PDSS1: variants seen among roughly 807,000 people sequenced by gnomAD.
PDSS1 encodes the protein all trans-polyprenyl-diphosphate synthase PDSS1.
A neutral mutation model predicts 57.5 loss-of-function variants in PDSS1; 43 were observed. The ratio of observed to expected loss-of-function variants is 0.75; its 90% CI spans 0.59 to 0.96. PDSS1 has a LOEUF of 0.96. Among genes scored for constraint, PDSS1 ranks in the 50% least tolerant of loss-of-function variants. The probability of loss-of-function intolerance (pLI) is 0.00; values close to 1 mark genes in which losing one functional copy is unlikely to be tolerated. For synonymous variants in PDSS1, 175 were observed against 191.3 expected, an observed-to-expected ratio of 0.91 and a Z score of 0.70; for missense variants, 438 against 527.8, an observed-to-expected ratio of 0.83 and a Z score of 1.67.
At chr10:26,708,320 C>G (rs980496177) in intron 4 of PDSS1, among the ~76,000 whole-genome samples, 1 of 152,190 alleles carries the variant, frequency 6.6e-6, no homozygotes, top group Non-Finnish European at 1.5e-5. Context: ...GTGGCAGATA[C>G]AAGCGACACA....
At chr10:26,741,346 T>A (rs1199552222) in intron 10 of PDSS1, among the ~76,000 whole-genome samples, 9 of 152,108 alleles carry the variant, frequency 5.9e-5, no homozygotes, top group East Asian at 1.9e-4. Flanking sequence ...TAGCCGGGTG[T>A]GGTGGCGCAC....
At chr10:26,709,826 G>C (rs1414931556) in intron 5 of PDSS1, 58 bp downstream of exon 5, 2 of 1,551,052 alleles carry the variant, frequency 1.3e-6, no homozygotes, top group East Asian at 4.5e-5. Context: ...TTTCTTCCCG[G>C]GGTTACTTAC....
chr10:26,723,153 A>G (rs550041085), intron 6 of PDSS1, among the ~76,000 whole-genome samples: 1 of 152,252 alleles, frequency 6.6e-6, no homozygotes, highest in East Asian at 1.9e-4. Flanking sequence ...CGCAGCATGC[A>G]TGGGTGTTGT....
intron 6 of PDSS1, among the ~76,000 whole-genome samples, chr10:26,721,224 G>C (rs1835770167): frequency 6.6e-6 from 1 of 151,724 alleles, no homozygotes; most frequent in Non-Finnish European, 1.5e-5. Flanking sequence ...GCTTGAACCT[G>C]GGAGAGGGAG....
intron 8 of PDSS1, among the ~76,000 whole-genome samples, chr10:26,730,068 AC>A (rs1836121412): frequency 6.6e-6 from 1 of 151,394 alleles, no homozygotes. Context: ...GCCCGCTACC[AC>A]GCCCGGCTAA....
intron 1 of PDSS1, among the ~76,000 whole-genome samples, chr10:26,701,316 A>G (rs1014479492): frequency 6.6e-6 from 1 of 152,270 alleles, no homozygotes; most frequent in Non-Finnish European, 1.5e-5. Context: ...CCGAATGTTA[A>G]TAGCCAAGAG....
chr10:26,707,108 C>T (rs962861779), intron 4 of PDSS1, among the ~76,000 whole-genome samples: 2 of 152,086 alleles, frequency 1.3e-5, no homozygotes, highest in African/African-American at 4.8e-5. Flanking sequence ...GTGGGCTGCC[C>T]GCATGCGCAG....
intron 4 of PDSS1, among the ~76,000 whole-genome samples, chr10:26,709,000 G>T (rs1318532832): frequency 6.6e-6 from 1 of 152,032 alleles, no homozygotes; most frequent in Non-Finnish European, 1.5e-5. Context: ...CTGTCCGGCT[G>T]TCAATGAGCC....
chr10:26,736,590 T>C (rs1452986965), intron 10 of PDSS1, among the ~76,000 whole-genome samples: 1 of 152,172 alleles, frequency 6.6e-6, no homozygotes, highest in Non-Finnish European at 1.5e-5. Context: ...AAAGGTCATC[T>C]TTCACCCACT....
At chr10:26,729,904 C>CTTTTTTTT (rs71403886) in intron 8 of PDSS1, among the ~76,000 whole-genome samples, 1 of 75,348 alleles carries the variant, frequency 1.3e-5, no homozygotes, top group Non-Finnish European at 2.4e-5. Context: ...TAGTTGGTTC[C>CTTTTTTTT]TTTTTTTTTT....
At chr10:26,704,560 A>G in intron 2 of PDSS1, 117 bp from the exon 3 acceptor site, 1 of 658,886 alleles carries the variant, frequency 1.5e-6, no homozygotes, top group Non-Finnish European at 2.7e-6. Flanking sequence ...AAAGTTTGCA[A>G]TCTACCTGTA....
chr10:26,721,845 T>TG (rs1229168738), intron 6 of PDSS1, among the ~76,000 whole-genome samples: 1 of 152,222 alleles, frequency 6.6e-6, no homozygotes, highest in Non-Finnish European at 1.5e-5. Context: ...CAAGGACACA[T>TG]GTGCCGCCTT....
chr10:26,714,318 A>G (rs12240788), intron 5 of PDSS1, among the ~76,000 whole-genome samples: 2,736 of 152,186 alleles, frequency 0.018, 81 homozygotes, highest in African/African-American at 0.062. Flanking sequence ...TACAAAAAAT[A>G]TAAAAATTAG....
At chr10:26,739,665 C>T (rs567924365) in intron 10 of PDSS1, among the ~76,000 whole-genome samples, 4 of 152,186 alleles carry the variant, frequency 2.6e-5, no homozygotes, top group South Asian at 2.1e-4. Context: ...TCAGTGTCAA[C>T]GATAAAACCT....
At chr10:26,733,712 C>T (rs999842840) in intron 8 of PDSS1, among the ~76,000 whole-genome samples, 1 of 152,052 alleles carries the variant, frequency 6.6e-6, no homozygotes, top group African/African-American at 2.4e-5. Context: ...CGGTGGCTCA[C>T]ACCTGATAAT....
chr10:26,702,191 T>C lies in PDSS1; in HGVS notation c.159T>C (p.Ser53=), dbSNP rs1173973146. 1 of 454,844 alleles carries C rather than the reference T, an allele frequency of 2.2e-6. No individual in the cohort carries two copies. The highest frequency in any genetic ancestry group is 4.4e-6 in the Non-Finnish European group (1 of 226,494). 28.2% of individuals were successfully genotyped at this position (454,844 alleles called of 1,614,324 possible). Reference sequence around the variant, plus strand: ...ATAGGCGGAAGGGACTTGACTTGTCTCAGGTAAGACTTTGGACTTGGACTT... The same window carrying C: ...ATAGGCGGAAGGGACTTGACTTGTCCCAGGTAAGACTTTGGACTTGGACTT... The part of the protein sequence containing the change: ...QVHRRKGLDL[S]QIPYINLVKH... Residue 53 remains serine (S), a synonymous_variant, in exon 2 of 12, where the codon TCT becomes TCC. Transcript: ENST00000376215.
chr10:26,713,120 G>T (rs1243710366), intron 5 of PDSS1, among the ~76,000 whole-genome samples: 1 of 96,152 alleles, frequency 1.0e-5, no homozygotes, highest in Admixed American at 1.3e-4. Flanking sequence ...GTGAAACCCT[G>T]TCTCTACTAA....
chr10:26,735,970 C>T (rs1483294155), intron 10 of PDSS1, among the ~76,000 whole-genome samples: 1 of 152,150 alleles, frequency 6.6e-6, no homozygotes, highest in Non-Finnish European at 1.5e-5. Context: ...TGGTGGTCCT[C>T]AGAGCCCCTT....
At chr10:26,728,148 G>C (rs911070015) in intron 8 of PDSS1, among the ~76,000 whole-genome samples, 1 of 152,146 alleles carries the variant, frequency 6.6e-6, no homozygotes, top group Non-Finnish European at 1.5e-5. Context: ...CTGAGGTCAA[G>C]AGTTCAAGAC....
Sources: gnomAD v4.1 joint callset for allele counts (sites outside exome capture counted in the v4.1 genomes callset) on GRCh38, gnomAD v4.1.1 for gene constraint, MANE v1.5 for transcripts, NCBI Gene and HGNC (gene_info 2026-07-23, HGNC 2026-07-21) for gene names.